Variants in GRM7 observed in about 807,000 individuals in gnomAD.
The protein encoded by GRM7 is glutamate metabotropic receptor 7.
In GRM7, 35 loss-of-function variants were observed where a neutral mutation model predicts 84.5. The observed-to-expected ratio is 0.41, with a 90% CI of 0.32 to 0.55. The LOEUF (loss-of-function observed/expected upper bound fraction) is 0.55. Among genes scored for constraint, GRM7 ranks in the 20% least tolerant of loss-of-function variants. The pLI is 0.19. For synonymous variants in GRM7, 487 were observed against 455.1 expected (o/e 1.07, Z -0.89); for missense variants, 1,003 against 1,194.6 (o/e 0.84, Z 2.36).
intron 1 of GRM7, among the ~76,000 whole-genome samples, chr3:6,990,104 G>A (rs1210847175): frequency 6.6e-6 from 1 of 152,288 alleles, no homozygotes; most frequent in African/African-American, 2.4e-5. Flanking sequence ...CACTATTTAT[G>A]CCAGCAGGGG....
intron 8 of GRM7, among the ~76,000 whole-genome samples, chr3:7,613,887 T>TTAAC (rs1274653273): frequency 6.6e-6 from 1 of 152,214 alleles, no homozygotes; most frequent in Non-Finnish European, 1.5e-5. Flanking sequence ...CCACTGTTGT[T>TTAAC]TAACTTGGGT....
At chr3:7,173,423 C>G (rs1010201046) in intron 2 of GRM7, among the ~76,000 whole-genome samples, 3 of 152,134 alleles carry the variant, frequency 2.0e-5, no homozygotes, top group African/African-American at 2.4e-5. Flanking sequence ...GTGGCCCTAA[C>G]AGTCTTATAA....
chr3:7,219,078 T>C (rs1696709853), intron 2 of GRM7, among the ~76,000 whole-genome samples: 1 of 152,200 alleles, frequency 6.6e-6, no homozygotes, highest in Middle Eastern at 3.2e-3. Flanking sequence ...ATGTATAAGG[T>C]CACACAGGTT....
Position 6,938,493 on chromosome 3 carries a change from A to G in GRM7, c.519+76586A>G, listed in dbSNP as rs553587159. On this transcript the variant is annotated intron_variant, in intron 1 of 9. Transcript: ENST00000357716. ...AGAAAGATGTGCTGGCTTGACAAAT[A>G]TATCTTGAGCACCATTAACGTGCAA... 5.7e-4 allele frequency among the ~76,000 whole-genome samples: 87 copies of G among 152,330 alleles called. 1 individual carries two copies. Among genetic ancestry groups the G allele is most frequent in the African/African-American group, 2.1e-3 (86 of 41,582 alleles).
intron 4 of GRM7, among the ~76,000 whole-genome samples, chr3:7,348,958 A>G (rs1038561959): frequency 1.3e-5 from 2 of 152,126 alleles, no homozygotes; most frequent in Non-Finnish European, 2.9e-5. Flanking sequence ...TTCATTCATA[A>G]TTTATTGATG....
At chr3:7,729,337 C>T (rs1425596564) in intron 9 of GRM7, among the ~76,000 whole-genome samples, 1 of 152,118 alleles carries the variant, frequency 6.6e-6, no homozygotes, top group Non-Finnish European at 1.5e-5. Flanking sequence ...CTATTTAACA[C>T]CTGTACTTTT....
intron 4 of GRM7, among the ~76,000 whole-genome samples, chr3:7,392,890 A>G (rs1469580672): frequency 6.6e-6 from 1 of 152,170 alleles, no homozygotes; most frequent in Non-Finnish European, 1.5e-5. Flanking sequence ...GGCAGTGGGC[A>G]TTATCCTAGA....
intron 1 of GRM7, among the ~76,000 whole-genome samples, chr3:7,004,307 T>G (rs1695111501): frequency 6.6e-6 from 1 of 152,164 alleles, no homozygotes; most frequent in Admixed American, 6.6e-5. Flanking sequence ...ATGTATATGA[T>G]GTATTGGGAT....
chr3:7,458,057 G>A (rs750609540), intron 6 of GRM7, among the ~76,000 whole-genome samples: 14 of 152,216 alleles, frequency 9.2e-5, no homozygotes, highest in African/African-American at 2.2e-4. Flanking sequence ...TGTGCATGGC[G>A]TGGTAAAATG....
intron 2 of GRM7, among the ~76,000 whole-genome samples, chr3:7,148,440 A>G (rs6782163): frequency 0.061 from 9,321 of 152,290 alleles, 727 homozygotes; most frequent in African/African-American, 0.17. Context: ...TGGATGAAGC[A>G]AAGGAAGAAC....
chr3:6,902,465 A>G (rs1696422557), intron 1 of GRM7, among the ~76,000 whole-genome samples: 1 of 152,192 alleles, frequency 6.6e-6, no homozygotes, highest in Non-Finnish European at 1.5e-5. Context: ...CATTTTATAG[A>G]TAAAAATTTG....
rs58360661 is a variant in GRM7 at position 7,043,197 on chromosome 3, C to G, written c.520-103255C>G. ...CTTGGCTTCAGGCAGTTACCCCACA[C>G]TCATGAGCTGAGCAGTGGTCAGCCA... On this transcript the variant is annotated intron_variant, in intron 1 of 9. Coordinates refer to ENST00000357716, the MANE Select transcript of GRM7 (RefSeq NM_000844.4). Among the ~76,000 whole-genome samples the G allele has an allele frequency of 3.2e-3, 493 of 152,310 alleles. 2 individuals carry two copies. Among genetic ancestry groups the G allele is most frequent in the African/African-American group, 0.012 (479 of 41,572 alleles).
intron 7 of GRM7, among the ~76,000 whole-genome samples, chr3:7,529,407 C>A (rs956297208): frequency 6.6e-6 from 1 of 152,076 alleles, no homozygotes; most frequent in African/African-American, 2.4e-5. Context: ...ATTCGCACAT[C>A]CATTCAAGTT....
chr3:6,861,489 G>A lies in GRM7; in HGVS notation c.101G>A (p.Gly34Asp). ...TGCGCGCTGGCGGCGGCGGCGCGCGGCCAGGAGATGTACGCCCCGCACTCA... is the reference window on the plus strand; with the variant it reads ...TGCGCGCTGGCGGCGGCGGCGCGCGACCAGGAGATGTACGCCCCGCACTCA... ...LLCALAAAAR[G>D]QEMYAPHSIR... Residue 34 changes from glycine (G) to aspartate (D), a missense_variant, in exon 1 of 10, where the codon GGC becomes GAC. Physicochemically the swap from Gly to Asp is moderately conservative, Grantham distance 94. Coordinates refer to ENST00000357716, the MANE Select transcript of GRM7 (RefSeq NM_000844.4). The surrounding 1 kb of genome is among the most constrained non-coding windows in gnomAD (Gnocchi z 6.4). The A allele has an allele frequency of 6.3e-7, 1 of 1,580,004 alleles. No individual in the cohort carries two copies. The highest frequency in any genetic ancestry group is 1.2e-5 in the South Asian group (1 of 85,984).
intron 8 of GRM7, among the ~76,000 whole-genome samples, chr3:7,646,953 A>G (rs1038532724): frequency 6.6e-6 from 1 of 152,212 alleles, no homozygotes; most frequent in African/African-American, 2.4e-5. Context: ...ACAAGGCTGC[A>G]TTACCAGGTA....
At chr3:7,606,720 GAC>G (rs1191200577) in intron 8 of GRM7, among the ~76,000 whole-genome samples, 1 of 152,048 alleles carries the variant, frequency 6.6e-6, no homozygotes, top group African/African-American at 2.4e-5. Flanking sequence ...TTTTAGTAGA[GAC>G]AGGGTTTTGC....
intron 1 of GRM7, among the ~76,000 whole-genome samples, chr3:6,938,127 G>A (rs977505640): frequency 6.6e-6 from 1 of 152,162 alleles, no homozygotes; most frequent in Non-Finnish European, 1.5e-5. Context: ...CATTCCAATA[G>A]AGTCTCTAAG....
intron 5 of GRM7, among the ~76,000 whole-genome samples, chr3:7,421,713 G>A (rs1433309795): frequency 6.6e-6 from 1 of 151,834 alleles, no homozygotes; most frequent in East Asian, 1.9e-4. Flanking sequence ...CTGACCTCAG[G>A]GCTTCTCCAG....
At chr3:7,163,758 A>G (rs1030587428) in intron 2 of GRM7, among the ~76,000 whole-genome samples, 2 of 152,230 alleles carry the variant, frequency 1.3e-5, no homozygotes, top group African/African-American at 4.8e-5. Context: ...AGGAAAAGCA[A>G]TGTTCCAAGA....
Sources: gnomAD v4.1 joint callset for allele counts (sites outside exome capture counted in the v4.1 genomes callset) on GRCh38, gnomAD v4.1.1 for gene constraint, Gnocchi (gnomAD v3.1) non-coding constraint, MANE v1.5 for transcripts, NCBI Gene and HGNC (gene_info 2026-07-23, HGNC 2026-07-21) for gene names.